The following IGSF21 variants were observed in gnomAD, a reference collection of about 807,000 sequenced individuals.
The protein encoded by IGSF21 is immunoglobulin superfamily member 21.
In IGSF21, 28 loss-of-function variants were observed where a neutral mutation model predicts 46.8. The observed-to-expected ratio is 0.60, with a 90% CI of 0.44 to 0.82. The LOEUF (loss-of-function observed/expected upper bound fraction) is 0.82. Ranked by LOEUF, IGSF21 falls within the 40% of genes least tolerant of loss-of-function variation. The pLI, the probability that IGSF21 is intolerant of heterozygous loss-of-function variation, is 0.00. For synonymous variants in IGSF21, 284 were observed against 273.6 expected (o/e 1.04, Z -0.38); for missense variants, 624 against 665.5 (o/e 0.94, Z 0.69).
At chr1:18,144,494 C>G (rs2124428219) in intron 1 of IGSF21, among the ~76,000 whole-genome samples, 1 of 152,304 alleles carries the variant, frequency 6.6e-6, no homozygotes, top group East Asian at 1.9e-4. Flanking sequence ...ACCTTTCCTT[C>G]CATTTATTCC....
In IGSF21 at chr1:18,278,203, CATTCATTTATTTATTTATTTATTT is replaced by C. The variant is rs754341849; in HGVS notation, c.184-13659_184-13636del. Among the ~76,000 whole-genome samples, 133 of 122,902 alleles carry C rather than the reference CATTCATTTATTTATTTATTTATTT, an allele frequency of 1.1e-3. 1 individual carries two copies. In the South Asian group the frequency reaches 0.024, roughly 22 times the overall value. 80.6% of individuals were successfully genotyped at this position (122,902 alleles called of 152,430 possible). A position where few individuals can be genotyped will look rare whatever the true frequency, so the allele number is the denominator to read the frequency against. On this transcript the variant is annotated intron_variant, in intron 2 of 9. Coordinates refer to ENST00000251296, the MANE Select transcript of IGSF21 (RefSeq NM_032880.5). The stretch of plus-strand genomic sequence containing the variant: ...AGATATGATAAAGCAAACATGGCTG[CATTCATTTATTTATTTATTTATTT>C]ATTTATTTATTTATTTATTTATTTT...
At chr1:18,271,347 G>A (rs1299292014) in intron 2 of IGSF21, among the ~76,000 whole-genome samples, 1 of 152,136 alleles carries the variant, frequency 6.6e-6, no homozygotes, top group African/African-American at 2.4e-5. Context: ...AGCTCATTTT[G>A]ACTTGCCCAG....
chr1:18,149,699 G>A (rs1236210665), intron 1 of IGSF21, among the ~76,000 whole-genome samples: 1 of 151,948 alleles, frequency 6.6e-6, no homozygotes, highest in East Asian at 1.9e-4. Context: ...CTTCCTTCGG[G>A]GCAGGATCAG....
chr1:18,228,564 T>C (rs980995174), intron 2 of IGSF21, among the ~76,000 whole-genome samples: 6 of 152,144 alleles, frequency 3.9e-5, no homozygotes, highest in African/African-American at 1.4e-4. Flanking sequence ...GAAGAACAGC[T>C]TGGAATCTTG....
At chr1:18,155,991 T>C (rs1033989207) in intron 1 of IGSF21, among the ~76,000 whole-genome samples, 3 of 152,220 alleles carry the variant, frequency 2.0e-5, no homozygotes, top group Non-Finnish European at 4.4e-5. Flanking sequence ...ATATAATATA[T>C]AATTATGATG....
At chr1:18,374,981 G>A (rs927942061) in intron 6 of IGSF21, among the ~76,000 whole-genome samples, 6 of 152,034 alleles carry the variant, frequency 3.9e-5, no homozygotes, top group African/African-American at 1.5e-4. Flanking sequence ...TCCCTGACCT[G>A]CCTCTGTCCC....
chr1:18,197,246 G>A (rs1013362915), intron 1 of IGSF21, among the ~76,000 whole-genome samples: 1 of 152,202 alleles, frequency 6.6e-6, no homozygotes, highest in African/African-American at 2.4e-5. Context: ...AGTGCCTGGA[G>A]AGCAGAGAAG....
In IGSF21 at chr1:18,247,045, A is replaced by ATGC. The variant is rs1348077472; in HGVS notation, c.183+19036_183+19037insGCT. ...AATTCCCAAAAGTTGCAGAGCTGGAATTCTTTTTTTTTTTTTTTTTTTTGA... is the reference window on the plus strand; with the variant it reads ...AATTCCCAAAAGTTGCAGAGCTGGAATGCTTCTTTTTTTTTTTTTTTTTTTTGA... On this transcript the variant is annotated intron_variant, in intron 2 of 9. Coordinates refer to ENST00000251296, the MANE Select transcript of IGSF21 (RefSeq NM_032880.5). Among the ~76,000 whole-genome samples the ATGC allele has an allele frequency of 2.1e-5, 3 of 145,726 alleles. No individual in the cohort carries two copies. In the East Asian group the frequency reaches 6.0e-4, roughly 29 times the overall value.
intron 1 of IGSF21, among the ~76,000 whole-genome samples, chr1:18,206,912 A>G (rs1557587510): frequency 6.6e-6 from 1 of 152,224 alleles, no homozygotes; most frequent in Non-Finnish European, 1.5e-5. Context: ...TTAGCAGTTT[A>G]CAACACCACC....
chr1:18,346,142 G>A (rs1307411326), intron 4 of IGSF21, among the ~76,000 whole-genome samples: 3 of 152,114 alleles, frequency 2.0e-5, no homozygotes, highest in Non-Finnish European at 4.4e-5. Context: ...TGAGGGTAGG[G>A]TCAGAACTAT....
intron 2 of IGSF21, among the ~76,000 whole-genome samples, chr1:18,250,106 C>G (rs1404907447): frequency 1.2e-5 from 1 of 82,184 alleles, no homozygotes; most frequent in Non-Finnish European, 2.6e-5. Flanking sequence ...TCGCTCCCTC[C>G]CTCCCTCCCT....
intron 5 of IGSF21, among the ~76,000 whole-genome samples, chr1:18,364,297 G>A (rs1250090663): frequency 6.6e-5 from 10 of 151,840 alleles, no homozygotes; most frequent in Non-Finnish European, 1.0e-4. Flanking sequence ...AAATAAATGG[G>A]GGAAAAAAAA....
intron 1 of IGSF21, among the ~76,000 whole-genome samples, chr1:18,206,144 G>T (rs1237213833): frequency 6.6e-6 from 1 of 152,236 alleles, no homozygotes; most frequent in Non-Finnish European, 1.5e-5. Context: ...AGAGAGGTTA[G>T]CTGGGAATTT....
intron 2 of IGSF21, among the ~76,000 whole-genome samples, chr1:18,250,176 C>A (rs1353945625): frequency 6.7e-6 from 1 of 148,450 alleles, no homozygotes; most frequent in Non-Finnish European, 1.5e-5. Context: ...TTTTCAGAGA[C>A]CCCAGGGAAT....
chr1:18,238,685 G>A (rs1296725333), intron 2 of IGSF21, among the ~76,000 whole-genome samples: 2 of 152,102 alleles, frequency 1.3e-5, no homozygotes, highest in Non-Finnish European at 2.9e-5. Context: ...TAGACCACAT[G>A]CAGAGTCCAC....
intron 1 of IGSF21, among the ~76,000 whole-genome samples, chr1:18,169,088 G>A (rs2086709388): frequency 6.6e-6 from 1 of 152,234 alleles, no homozygotes; most frequent in Non-Finnish European, 1.5e-5. Flanking sequence ...CTTGGCAAAT[G>A]GACAGTGTTA....
intron 3 of IGSF21, among the ~76,000 whole-genome samples, chr1:18,321,013 C>T (rs2085595320): frequency 6.6e-6 from 1 of 152,210 alleles, no homozygotes; most frequent in African/African-American, 2.4e-5. Flanking sequence ...AATTGCAGTG[C>T]TCTGGCATGC....
chr1:18,134,445 A>G (rs1018400663), intron 1 of IGSF21, among the ~76,000 whole-genome samples: 20 of 152,154 alleles, frequency 1.3e-4, no homozygotes, highest in African/African-American at 4.8e-4. Flanking sequence ...CTCTGTGACC[A>G]GCTTTGATGC....
chr1:18,144,187 A>C (rs941703616), intron 1 of IGSF21, among the ~76,000 whole-genome samples: 1 of 152,168 alleles, frequency 6.6e-6, no homozygotes, highest in African/African-American at 2.4e-5. Flanking sequence ...ACAGGCCAGC[A>C]GGAGCCTCTG....
Sources: allele counts gnomAD v4.1 joint callset (sites outside exome capture counted in the v4.1 genomes callset), GRCh38; gene constraint gnomAD v4.1.1; transcripts MANE v1.5; gene names NCBI Gene and HGNC (gene_info 2026-07-23, HGNC 2026-07-21).